CSMD1: variants seen among roughly 807,000 people sequenced by gnomAD.
The protein encoded by CSMD1 is CUB and sushi domain-containing protein 1.
A neutral mutation model predicts 417.5 loss-of-function variants in CSMD1; 213 were observed. That is an observed-to-expected ratio of 0.51 (90% confidence interval 0.46 to 0.57). The LOEUF (loss-of-function observed/expected upper bound fraction) is 0.57, where lower values mean the gene tolerates loss of function less well. CSMD1 is among the 20% of genes least tolerant of loss of function. CSMD1 has a pLI of 0.00. For missense variants in CSMD1, 6,923 were observed against 4,529.7 expected, an observed-to-expected ratio of 1.53 and a Z score of -15.17; for synonymous variants, 2,862 against 1,736.8, an observed-to-expected ratio of 1.65 and a Z score of -16.11.
At chr8:3,812,044 T>A (rs1225176419) in intron 5 of CSMD1, among the ~76,000 whole-genome samples, 1 of 150,070 alleles carries the variant, frequency 6.7e-6, no homozygotes, top group Non-Finnish European at 1.5e-5. Context: ...AAAAAAAAAA[T>A]TCCATAAAGC....
intron 3 of CSMD1, among the ~76,000 whole-genome samples, chr8:4,414,971 A>G (rs1009491887): frequency 1.2e-4 from 18 of 152,160 alleles, no homozygotes; most frequent in African/African-American, 3.6e-4. Flanking sequence ...CAATATAACT[A>G]TCACTTAAAA....
chr8:4,211,070 G>C (rs969946218), intron 3 of CSMD1, among the ~76,000 whole-genome samples: 4 of 152,108 alleles, frequency 2.6e-5, no homozygotes, highest in Non-Finnish European at 5.9e-5. Flanking sequence ...AGAAATTCAT[G>C]TTCACATATC....
chr8:4,559,155 T>G (rs1258040521), intron 2 of CSMD1, among the ~76,000 whole-genome samples: 1 of 152,204 alleles, frequency 6.6e-6, no homozygotes, highest in Non-Finnish European at 1.5e-5. Flanking sequence ...AATCAAGATC[T>G]GGTCTTTGTA....
At chr8:4,408,525 G>C (rs1796467504) in intron 3 of CSMD1, among the ~76,000 whole-genome samples, 1 of 152,110 alleles carries the variant, frequency 6.6e-6, no homozygotes, top group Non-Finnish European at 1.5e-5. Flanking sequence ...ACAATTCTTG[G>C]ACATAAAGAT....
At chr8:4,459,346 C>G (rs778552658) in intron 2 of CSMD1, among the ~76,000 whole-genome samples, 1 of 152,208 alleles carries the variant, frequency 6.6e-6, no homozygotes, top group Non-Finnish European at 1.5e-5. Flanking sequence ...GACAATCAAG[C>G]TCTCACCTCA....
chr8:3,778,476 T>A (rs954329161), intron 5 of CSMD1, among the ~76,000 whole-genome samples: 1 of 152,240 alleles, frequency 6.6e-6, no homozygotes, highest in African/African-American at 2.4e-5. Context: ...CAAGGGTTCC[T>A]GTCTTACGGT....
chr8:4,076,682 AC>A (rs1404543321), intron 3 of CSMD1, among the ~76,000 whole-genome samples: 1 of 152,182 alleles, frequency 6.6e-6, no homozygotes, highest in East Asian at 1.9e-4. Context: ...TCCAAACAAA[AC>A]ATTTAGCCAT....
intron 30 of CSMD1, among the ~76,000 whole-genome samples, chr8:3,206,738 T>TC (rs1797316631): frequency 6.6e-6 from 1 of 150,792 alleles, no homozygotes; most frequent in Non-Finnish European, 1.5e-5. Context: ...GTCTTAATTT[T>TC]CCCCCAGTTA....
At chr8:3,317,872 G>A (rs755485081) in intron 23 of CSMD1, among the ~76,000 whole-genome samples, 20 of 152,210 alleles carry the variant, frequency 1.3e-4, no homozygotes, top group Non-Finnish European at 1.3e-4. Flanking sequence ...GTGCAGTGGC[G>A]CCATCTTGGC....
At chr8:3,813,810 A>G (rs372344425) in intron 5 of CSMD1, among the ~76,000 whole-genome samples, 1,966 of 152,172 alleles carry the variant, frequency 0.013, 50 homozygotes, top group African/African-American at 0.045. Flanking sequence ...TTACTGAAAA[A>G]CTTAAAGTAT....
At chr8:4,021,655 T>C (rs539738431) in intron 4 of CSMD1, among the ~76,000 whole-genome samples, 1 of 152,258 alleles carries the variant, frequency 6.6e-6, no homozygotes, top group Admixed American at 6.5e-5. Flanking sequence ...CCCCATCCCT[T>C]TTCTCTTTTG....
intron 23 of CSMD1, among the ~76,000 whole-genome samples, chr8:3,310,133 A>G (rs558376904): frequency 1.2e-4 from 19 of 152,334 alleles, no homozygotes; most frequent in African/African-American, 4.3e-4. Flanking sequence ...GATGGTTTCA[A>G]TCAATCACCT....
intron 5 of CSMD1, among the ~76,000 whole-genome samples, chr8:3,791,862 T>G (rs1193300414): frequency 3.3e-5 from 5 of 151,876 alleles, no homozygotes; most frequent in Non-Finnish European, 7.4e-5. Context: ...ATCAAACCCT[T>G]TGTATAGGTT....
At chr8:3,232,849 A>G (rs1281671328) in intron 26 of CSMD1, among the ~76,000 whole-genome samples, 1 of 151,988 alleles carries the variant, frequency 6.6e-6, no homozygotes, top group Non-Finnish European at 1.5e-5. Flanking sequence ...TAGAAATTTC[A>G]GTATGTATTT....
At chr8:3,822,877 C>G (rs1482977723) in intron 5 of CSMD1, among the ~76,000 whole-genome samples, 1 of 152,010 alleles carries the variant, frequency 6.6e-6, no homozygotes, top group Non-Finnish European at 1.5e-5. Flanking sequence ...TTTAGTGTGT[C>G]TAAATGAGAA....
intron 2 of CSMD1, among the ~76,000 whole-genome samples, chr8:4,621,046 A>G (rs530882452): frequency 6.6e-6 from 1 of 152,236 alleles, no homozygotes; most frequent in Admixed American, 6.5e-5. Context: ...CATTTTTATC[A>G]TATATTCGTC....
intron 6 of CSMD1, among the ~76,000 whole-genome samples, chr8:3,725,172 C>A (rs1041579677): frequency 6.6e-6 from 1 of 152,070 alleles, no homozygotes; most frequent in Non-Finnish European, 1.5e-5. Flanking sequence ...GAGCTGTGCC[C>A]TGAAGGCAAG....
chr8:4,731,727 C>G (rs1459553886), intron 1 of CSMD1, among the ~76,000 whole-genome samples: 3 of 152,118 alleles, frequency 2.0e-5, no homozygotes, highest in East Asian at 3.9e-4. Flanking sequence ...GACCCAGGAA[C>G]AGCAGCCACA....
chr8:3,812,377 G>C (rs1025261764), intron 5 of CSMD1, among the ~76,000 whole-genome samples: 2 of 152,146 alleles, frequency 1.3e-5, no homozygotes, highest in African/African-American at 4.8e-5. Context: ...CAGGTAGTGA[G>C]ATACTTAAAT....
Sources: gnomAD v4.1 joint callset for allele counts (sites outside exome capture counted in the v4.1 genomes callset) on GRCh38, gnomAD v4.1.1 for gene constraint, MANE v1.5 for transcripts, NCBI Gene and HGNC (gene_info 2026-07-23, HGNC 2026-07-21) for gene names.